The following HLX variants were observed in gnomAD, a reference collection of about 807,000 sequenced individuals.
HLX encodes H2.0 like homeobox, also known as H2.0-like homeobox protein.
A neutral mutation model predicts 27.7 loss-of-function variants in HLX; 6 were observed. The ratio of observed to expected loss-of-function variants is 0.22; its 90% CI spans 0.12 to 0.43. The LOEUF is 0.43. Ranked by LOEUF, HLX falls within the 20% of genes least tolerant of loss-of-function variation. HLX has a pLI of 1.00. For synonymous variants in HLX, 328 were observed against 293.8 expected (o/e 1.12, Z -1.19); for missense variants, 666 against 655.2 (o/e 1.02, Z -0.18).
At position 220,879,704 on chromosome 1, in the gene HLX, G is replaced by C; in HGVS notation, c.-154G>C. The C allele has an allele frequency of 2.5e-6, 3 of 1,216,846 alleles. No homozygotes were observed. The highest frequency in any genetic ancestry group is 3.3e-6 in the Non-Finnish European group (3 of 922,046). 75.4% of individuals were successfully genotyped at this position (1,216,846 alleles called of 1,614,324 possible). ...TCGCCTCCTCCCTCGGTGGCGCTAGGGCTCCCGGCCTCTCTTCCTCAGTGC... is the reference window on the plus strand; with the variant it reads ...TCGCCTCCTCCCTCGGTGGCGCTAGCGCTCCCGGCCTCTCTTCCTCAGTGC... On this transcript the variant is annotated 5_prime_UTR_variant, in exon 1 of 4. Coordinates refer to ENST00000366903, the MANE Select transcript of HLX (RefSeq NM_021958.4).
chr1:220,881,482 G>T, intron 2 of HLX, 109 bp downstream of exon 2: 1 of 935,992 alleles, frequency 1.1e-6, no homozygotes. Context: ...CACAATTGGG[G>T]CGGGAGGCTA....
chr1:220,880,220 C>T lies in HLX; in HGVS notation c.363C>T (p.His121=), dbSNP rs200497987. ...CTCCGCTCTCAGCCGCCTACCACCACCATCACCCGCAACAACAACAGCAGC... is the reference window on the plus strand; with the variant it reads ...CTCCGCTCTCAGCCGCCTACCACCATCATCACCCGCAACAACAACAGCAGC... ...RLSPLSAAYH[H]HHPQQQQQQQ... is the part of the protein sequence containing the mutation. The change falls in exon 1 of 4, where the codon CAC becomes CAT. Residue 121 remains histidine, a synonymous_variant. Coordinates refer to ENST00000366903, the MANE Select transcript of HLX (RefSeq NM_021958.4). 9.4e-5 allele frequency: 152 copies of T among 1,612,518 alleles called. No individual in the cohort carries two copies. In the East Asian group the frequency reaches 2.4e-3, roughly 25 times the overall value.
Position 220,884,656 on chromosome 1 carries a change from C to A in HLX, c.1419C>A (p.Ser473Arg), listed in dbSNP as rs200128618. The change falls in exon 4 of 4, where the codon AGC (serine) becomes AGA (arginine). Residue 473 changes from serine (S) to arginine (R), a missense_variant. Ser to Arg is a moderately radical substitution (Grantham distance 110, BLOSUM62 -1). Coordinates refer to ENST00000366903, the MANE Select transcript of HLX (RefSeq NM_021958.4). The surrounding 1 kb of genome is among the most constrained non-coding windows in gnomAD (Gnocchi z 4.9). ...CTGCAACACAGCCCACAGCCAGCAG[C>A]GCTCCCAAAAGCCCCGAGCCAGCCC... The part of the protein sequence containing the change: ...LLPATQPTAS[S>R]APKSPEPAQG... The A allele has an allele frequency of 6.2e-7, 1 of 1,610,682 alleles. No homozygotes were observed. The highest frequency in any genetic ancestry group is 8.5e-7 in the Non-Finnish European group (1 of 1,179,292).
chr1:220,884,397 CCCCCAGCGA>C lies in HLX; in HGVS notation c.1162_1170del (p.Pro388_Asp390del), dbSNP rs1204486294. The C allele has an allele frequency of 1.2e-6, 2 of 1,613,868 alleles. No homozygotes were observed. The highest frequency in any genetic ancestry group is 1.7e-5 in the Admixed American group (1 of 59,998). ...AGCGACTCCGAGTCCCTGGACATGGCCCCCAGCGACACGGAGCGGACTGAGGGGAGTGAG... is the reference window on the plus strand; with the variant it reads ...AGCGACTCCGAGTCCCTGGACATGGCCACGGAGCGGACTGAGGGGAGTGAG... On this transcript the variant is annotated inframe_deletion, in exon 4 of 4. Transcript: ENST00000366903. The surrounding 1 kb of genome is among the most constrained non-coding windows in gnomAD (Gnocchi z 4.9).
intron 3 of HLX, chr1:220,882,641 G>C (rs1674481511): frequency 4.6e-6 from 2 of 432,856 alleles, no homozygotes; most frequent in Non-Finnish European, 8.6e-6. Context: ...CAAAAGGGCC[G>C]CTGGAAATAA....
At chr1:220,881,638 T>G in intron 2 of HLX, 1 of 553,904 alleles carries the variant, frequency 1.8e-6, no homozygotes, top group Admixed American at 3.1e-5. Context: ...CGAAGTCTTT[T>G]CGCCCCAGAG....
Position 220,884,637 on chromosome 1 carries a change from C to T in HLX, c.1400C>T (p.Thr467Ile). 1 of 1,610,512 alleles carries T rather than the reference C, an allele frequency of 6.2e-7. No homozygotes were observed. Among genetic ancestry groups the T allele is most frequent in the Non-Finnish European group, 8.5e-7 (1 of 1,179,088 alleles). ...GGCGCCTCGGAGCTTCTCCCTGCAACACAGCCCACAGCCAGCAGCGCTCCC... is the reference window on the plus strand; with the variant it reads ...GGCGCCTCGGAGCTTCTCCCTGCAATACAGCCCACAGCCAGCAGCGCTCCC... ...GGGASELLPA[T>I]QPTASSAPKS... is the part of the protein sequence containing the mutation. Residue 467 changes from threonine (T) to isoleucine (I), a missense_variant, in exon 4 of 4, where the codon ACA (threonine) becomes ATA (isoleucine). By Grantham distance (89) the Thr-to-Ile change is moderately conservative (BLOSUM62 -1). Transcript: ENST00000366903. This position sits in a 1 kb window ranked among gnomAD's most constrained non-coding sequence, Gnocchi z 4.9.
Position 220,879,792 on chromosome 1 carries a change from C to A in HLX, c.-66C>A. On this transcript the variant is annotated 5_prime_UTR_variant, in exon 1 of 4. Coordinates refer to ENST00000366903, the MANE Select transcript of HLX (RefSeq NM_021958.4). ...CCGCCTTCTCCGGGACTCGCGCGCCCCTCCCCGCGCGCCCACCCACCCAGT... is the reference window on the plus strand; with the variant it reads ...CCGCCTTCTCCGGGACTCGCGCGCCACTCCCCGCGCGCCCACCCACCCAGT... 1 of 1,480,592 alleles carries A rather than the reference C, an allele frequency of 6.8e-7. No homozygotes were observed. Among genetic ancestry groups the A allele is most frequent in the South Asian group, 1.3e-5 (1 of 76,604 alleles). 91.7% of individuals were successfully genotyped at this position (1,480,592 alleles called of 1,614,324 possible).
In HLX at chr1:220,881,726, G is replaced by A. The variant is rs376421476; in HGVS notation, c.772+353G>A. On this transcript the variant is annotated intron_variant, in intron 2 of 3. Transcript: ENST00000366903. ...ATGACCTCAAACACTTGTGCTTGGCGAGTTTATGTCTGGGTGCCTGGACAC... is the reference window on the plus strand; with the variant it reads ...ATGACCTCAAACACTTGTGCTTGGCAAGTTTATGTCTGGGTGCCTGGACAC... 13 of 407,914 alleles carry A rather than the reference G, an allele frequency of 3.2e-5. No homozygotes were observed. The East Asian group carries it at 4.1e-4, about 13-fold the overall frequency. 25.3% of individuals were successfully genotyped at this position (407,914 alleles called of 1,614,324 possible).
rs982771685 is a variant in HLX, at chr1:220,884,837, G to C, written c.*133G>C. The C allele has an allele frequency of 2.2e-5, 31 of 1,399,380 alleles. No individual in the cohort carries two copies. In the African/African-American group the frequency reaches 3.9e-4, roughly 17 times the overall value. 86.7% of individuals were successfully genotyped at this position (1,399,380 alleles called of 1,614,324 possible). A position where few individuals can be genotyped will look rare whatever the true frequency, so the allele number is the denominator to read the frequency against. ...GTGGAGCCTACCTCCCGACATTCAC[G>C]CTTCGCCCCACGCTGCTCCGACTGG... On this transcript the variant is annotated 3_prime_UTR_variant, in exon 4 of 4. Coordinates refer to ENST00000366903, the MANE Select transcript of HLX (RefSeq NM_021958.4). The surrounding 1 kb of genome is among the most constrained non-coding windows in gnomAD (Gnocchi z 4.9).
At chr1:220,881,428 A>T (rs2102641963) in intron 2 of HLX, 55 bp downstream of exon 2, 2 of 1,442,504 alleles carry the variant, frequency 1.4e-6, no homozygotes, top group East Asian at 4.5e-5. Flanking sequence ...ACAGTCAGAA[A>T]TCTCAGGACT....
Position 220,881,306 on chromosome 1 carries a change from A to T in HLX, c.705A>T (p.Ala235=), listed in dbSNP as rs146391223. 1 of 1,613,994 alleles carries T rather than the reference A, an allele frequency of 6.2e-7. No individual in the cohort carries two copies. The highest frequency in any genetic ancestry group is 1.3e-5 in the African/African-American group (1 of 74,938). ...TAGATCCCATTAACGAGGCTTCTGC[A>T]ATCCTGAGTCCCTTAAACTCGAACC... The part of the protein sequence containing the change: ...ASLDPINEAS[A]ILSPLNSNPR... Residue 235 remains alanine (A), a synonymous_variant, in exon 2 of 4, where the codon GCA becomes GCT. Coordinates refer to ENST00000366903, the MANE Select transcript of HLX (RefSeq NM_021958.4).
intron 3 of HLX, chr1:220,883,832 A>T: frequency 3.5e-6 from 1 of 288,306 alleles, no homozygotes; most frequent in Non-Finnish European, 6.6e-6. Context: ...TCAGATTCTC[A>T]TGGGGGTCCT....
chr1:220,884,800 A>C lies in HLX; in HGVS notation c.*96A>C, dbSNP rs1189377528. The stretch of plus-strand genomic sequence containing the variant: ...CTGTATGTTGGCGACTTGGTAGGGC[A>C]GGAGACGCAGCGTGGAGCCTACCTC... On this transcript the variant is annotated 3_prime_UTR_variant, in exon 4 of 4. Coordinates refer to ENST00000366903, the MANE Select transcript of HLX (RefSeq NM_021958.4). This position sits in a 1 kb window ranked among gnomAD's most constrained non-coding sequence, Gnocchi z 4.9. The C allele has an allele frequency of 2.6e-6, 4 of 1,521,376 alleles. No homozygotes were observed. In the East Asian group the frequency reaches 9.6e-5, roughly 36 times the overall value. The allele number at this position is 1,521,376 out of a possible 1,614,324, so 94.2% of individuals were successfully genotyped here.
Position 220,882,208 on chromosome 1 carries a change from A to G in HLX, c.817A>G (p.Lys273Glu). ...LTKDTMPQTY[K>E]RKRSWSRAVF... Reference sequence around the variant, plus strand: ...GAAGGACACCATGCCGCAGACGTACAAAAGGAAGCGTTCATGGTCGCGCGC... The same window carrying G: ...GAAGGACACCATGCCGCAGACGTACGAAAGGAAGCGTTCATGGTCGCGCGC... The change falls in exon 3 of 4, where the codon AAA becomes GAA. Residue 273 changes from lysine to glutamate, a missense_variant. Lys to Glu is a moderately conservative substitution (Grantham distance 56). Coordinates refer to ENST00000366903, the MANE Select transcript of HLX (RefSeq NM_021958.4). The G allele has an allele frequency of 1.2e-6, 2 of 1,614,224 alleles. No individual in the cohort carries two copies. Among genetic ancestry groups the G allele is most frequent in the Non-Finnish European group, 1.7e-6 (2 of 1,180,026 alleles).
At chr1:220,881,763 AACACACACACACAC>A (rs71167242) in intron 2 of HLX, 16,025 of 306,030 alleles carry the variant, frequency 0.052, 183 homozygotes, top group Non-Finnish European at 0.057. Flanking sequence ...TGCGGGAATA[AACACACACACACAC>A]ACACACACAC....
Position 220,879,751 on chromosome 1 carries a change from T to C in HLX, c.-107T>C, listed in dbSNP as rs1421511361. The C allele has an allele frequency of 4.9e-6, 7 of 1,423,736 alleles. No individual in the cohort carries two copies. In the East Asian group the frequency reaches 1.9e-4, roughly 39 times the overall value. The allele number at this position is 1,423,736 out of a possible 1,614,324, so 88.2% of individuals were successfully genotyped here. ...GTGCGGGCGGAGAAGCGAAAGCGGA[T>C]CGTCCTCGGCTGCCGCCGCCTTCTC... On this transcript the variant is annotated 5_prime_UTR_variant, in exon 1 of 4. Coordinates refer to ENST00000366903, the MANE Select transcript of HLX (RefSeq NM_021958.4).
At chr1:220,882,564 C>T in intron 3 of HLX, 1 of 577,814 alleles carries the variant, frequency 1.7e-6, no homozygotes, top group Non-Finnish European at 3.1e-6. Flanking sequence ...GAGCTCATCC[C>T]CAAGATGTGT....
In HLX at chr1:220,879,677, C is replaced by T. The variant is rs926940564; in HGVS notation, c.-181C>T. The T allele has an allele frequency of 2.0e-6, 2 of 988,364 alleles. No individual in the cohort carries two copies. The highest frequency in any genetic ancestry group is 3.5e-5 in the African/African-American group (2 of 57,406). 61.2% of individuals were successfully genotyped at this position (988,364 alleles called of 1,614,324 possible). On this transcript the variant is annotated 5_prime_UTR_variant, in exon 1 of 4. Transcript: ENST00000366903. ...AGGCGGTGACCGGCCGAGATCCGGC[C>T]CTCGCCTCCTCCCTCGGTGGCGCTA...
Sources: allele counts gnomAD v4.1 joint callset, GRCh38; gene constraint gnomAD v4.1.1; non-coding constraint Gnocchi (gnomAD v3.1); transcripts MANE v1.5; gene names NCBI Gene and HGNC (gene_info 2026-07-23, HGNC 2026-07-21).